DNAJC5: variants seen among roughly 807,000 people sequenced by gnomAD.
The protein encoded by DNAJC5 is dnaJ homolog subfamily C member 5.
In DNAJC5, 1 loss-of-function variant was observed where a neutral mutation model predicts 23.2. The observed-to-expected ratio is 0.04, with a 90% CI of 0.02 to 0.20. The LOEUF (loss-of-function observed/expected upper bound fraction) is 0.20. Ranked by LOEUF, DNAJC5 falls within the 10% of genes least tolerant of loss-of-function variation. The pLI, the probability that DNAJC5 is intolerant of heterozygous loss-of-function variation, is 1.00. For missense variants in DNAJC5, 180 were observed against 267.0 expected (o/e 0.67, Z 2.27); for synonymous variants, 136 against 120.0 (o/e 1.13, Z -0.87).
chr20:63,928,335 A>G lies in DNAJC5; in HGVS notation c.-11A>G. 1 of 1,611,134 alleles carries G rather than the reference A, an allele frequency of 6.2e-7. No homozygotes were observed. Among genetic ancestry groups the G allele is most frequent in the South Asian group, 1.1e-5 (1 of 91,036 alleles). On this transcript the variant is annotated splice_region_variant and 5_prime_UTR_variant, in exon 2 of 5. Transcript: ENST00000360864. This position sits in a 1 kb window ranked among gnomAD's most constrained non-coding sequence, Gnocchi z 4.6. ...ACTTTCTTTTTATTTTTTCTTCTAG[A>G]ATAGCCTAACATGGCAGACCAGAGA...
At position 63,930,836 on chromosome 20, in the gene DNAJC5, T is replaced by A. The variant is rs1450543243; in HGVS notation, c.322-15T>A. The A allele has an allele frequency of 1.1e-5, 18 of 1,611,848 alleles. No individual in the cohort carries two copies. Among genetic ancestry groups the A allele is most frequent in the East Asian group, 6.7e-5 (3 of 44,900 alleles). ...GCCTCGGAGGCCATGCAACACCACC[T>A]TCTTCTCCCCCCAGGCCCTGTTTGT... On this transcript the variant is annotated splice_polypyrimidine_tract_variant and intron_variant, in intron 3 of 4. Transcript: ENST00000360864.
At chr20:63,919,137 C>T (rs947514270) in intron 1 of DNAJC5, among the ~76,000 whole-genome samples, 6 of 152,184 alleles carry the variant, frequency 3.9e-5, no homozygotes, top group East Asian at 3.9e-4. Flanking sequence ...ATTTTTTTAC[C>T]CCTGAAGATC....
In DNAJC5 at chr20:63,929,926, A is replaced by G. The variant is rs1483517755; in HGVS notation, c.321+401A>G. 6.6e-6 allele frequency among the ~76,000 whole-genome samples: 1 copy of G among 152,202 alleles called. No individual in the cohort carries two copies. Among genetic ancestry groups the G allele is most frequent in the Non-Finnish European group, 1.5e-5 (1 of 68,018 alleles). On this transcript the variant is annotated intron_variant, in intron 3 of 4. Coordinates refer to ENST00000360864, the MANE Select transcript of DNAJC5 (RefSeq NM_025219.3). This position sits in a 1 kb window ranked among gnomAD's most constrained non-coding sequence, Gnocchi z 8.6. ...ACTGGCTTGGTGTCCTGCCTGGAAC[A>G]AGCCATAGCGTACAGATTGTCCCAG...
At chr20:63,913,072 C>T (rs2053492024) in intron 1 of DNAJC5, among the ~76,000 whole-genome samples, 1 of 152,054 alleles carries the variant, frequency 6.6e-6, no homozygotes, top group African/African-American at 2.4e-5. Context: ...AGTTCCCTGC[C>T]CCGTCTCCAT....
intron 1 of DNAJC5, among the ~76,000 whole-genome samples, chr20:63,899,527 GT>G (rs1360006997): frequency 6.6e-6 from 1 of 152,248 alleles, no homozygotes; most frequent in African/African-American, 2.4e-5. Flanking sequence ...ACTTGTATGA[GT>G]TTTGCAAGCA....
chr20:63,930,055 T>A (rs776900470), intron 3 of DNAJC5, among the ~76,000 whole-genome samples: 1 of 152,234 alleles, frequency 6.6e-6, no homozygotes, highest in Non-Finnish European at 1.5e-5. Flanking sequence ...ATTTCTTCGT[T>A]TCCTCGTTTT....
At chr20:63,924,789 A>G (rs1377234275) in intron 1 of DNAJC5, among the ~76,000 whole-genome samples, 4 of 152,318 alleles carry the variant, frequency 2.6e-5, no homozygotes, top group Non-Finnish European at 4.4e-5. Flanking sequence ...CAGTGAGTTG[A>G]TGACTTAGGA....
chr20:63,924,374 C>T (rs547372571), intron 1 of DNAJC5, among the ~76,000 whole-genome samples: 14 of 152,226 alleles, frequency 9.2e-5, no homozygotes, highest in African/African-American at 3.1e-4. Context: ...GTACAGATTT[C>T]ATAGGTCTTG....
chr20:63,919,703 G>A (rs1299489500), intron 1 of DNAJC5: 1 of 449,922 alleles, frequency 2.2e-6, no homozygotes. Flanking sequence ...CCGGGACAGC[G>A]CCACGGAAGA....
In DNAJC5 at chr20:63,929,429, C is replaced by T. The variant is rs376163421; in HGVS notation, c.225C>T (p.Ile75=). The T allele has an allele frequency of 1.9e-6, 3 of 1,614,106 alleles. No homozygotes were observed. Among genetic ancestry groups the T allele is most frequent in the Non-Finnish European group, 2.5e-6 (3 of 1,180,052 alleles). ...AILTDATKRN[I]YDKYGSLGLY... ...TCACGGACGCCACAAAAAGGAACAT[C>T]TACGACAAGTACGGCTCGCTGGGTC... Residue 75 remains isoleucine, a synonymous_variant, in exon 3 of 5, where the codon ATC becomes ATT. Transcript: ENST00000360864. The surrounding 1 kb of genome is among the most constrained non-coding windows in gnomAD (Gnocchi z 8.6).
At chr20:63,914,402 C>A (rs921096286) in intron 1 of DNAJC5, among the ~76,000 whole-genome samples, 1 of 151,920 alleles carries the variant, frequency 6.6e-6, no homozygotes, top group South Asian at 2.1e-4. Flanking sequence ...GCAAGCTCCC[C>A]CTCCTGGGTT....
Position 63,929,751 on chromosome 20 carries a change from G to GCCATGAGGGCACCCGAGTCTCTCCTA in DNAJC5, c.321+231_321+232insAGGGCACCCGAGTCTCTCCTACCATG, listed in dbSNP as rs2053649952. On this transcript the variant is annotated intron_variant, in intron 3 of 4. Transcript: ENST00000360864. The surrounding 1 kb of genome is among the most constrained non-coding windows in gnomAD (Gnocchi z 8.6). ...CCGTGCGGGCACCCGAGTCTCTCCTGCCATGTGGGCACCCGGGTCACTCCA... is the reference window on the plus strand; with the variant it reads ...CCGTGCGGGCACCCGAGTCTCTCCTGCCATGAGGGCACCCGAGTCTCTCCTACCATGTGGGCACCCGGGTCACTCCA... Among the ~76,000 whole-genome samples the GCCATGAGGGCACCCGAGTCTCTCCTA allele has an allele frequency of 6.6e-6, 1 of 151,980 alleles. No homozygotes were observed. Among genetic ancestry groups the GCCATGAGGGCACCCGAGTCTCTCCTA allele is most frequent in the African/African-American group, 2.4e-5 (1 of 41,328 alleles).
intron 1 of DNAJC5, among the ~76,000 whole-genome samples, chr20:63,915,360 C>T (rs2053509229): frequency 6.6e-6 from 1 of 150,726 alleles, no homozygotes; most frequent in Non-Finnish European, 1.5e-5. Flanking sequence ...GTGTAGTGAA[C>T]ACTGGGGCAT....
chr20:63,924,601 C>T (rs1010756569), intron 1 of DNAJC5, among the ~76,000 whole-genome samples: 2 of 152,000 alleles, frequency 1.3e-5, no homozygotes, highest in East Asian at 1.9e-4. Flanking sequence ...TGCCTGTAAT[C>T]GCAGCACTTT....
rs371276897 is a variant in DNAJC5, at chr20:63,911,099, C to T, written c.-12+15776C>T. Among the ~76,000 whole-genome samples, 11 of 152,122 alleles carry T rather than the reference C, an allele frequency of 7.2e-5. 1 individual carries two copies. The highest frequency in any genetic ancestry group is 5.8e-4 in the East Asian group (3 of 5,202). On this transcript the variant is annotated intron_variant, in intron 1 of 4. Transcript: ENST00000360864. The stretch of plus-strand genomic sequence containing the variant: ...AAAAATCTTTATTAGGTTTCCAGAC[C>T]CAAGTCAATACCAATAAAATTAATG...
chr20:63,930,248 G>C (rs2053656400), intron 3 of DNAJC5, among the ~76,000 whole-genome samples: 1 of 152,104 alleles, frequency 6.6e-6, no homozygotes. Context: ...GTGAGATCCT[G>C]GCTCACTTTA....
At chr20:63,911,113 A>G (rs1242049412) in intron 1 of DNAJC5, among the ~76,000 whole-genome samples, 1 of 152,262 alleles carries the variant, frequency 6.6e-6, no homozygotes, top group African/African-American at 2.4e-5. Context: ...GTCAATACCA[A>G]TAAAATTAAT....
At chr20:63,930,549 G>C (rs770040141) in intron 3 of DNAJC5, among the ~76,000 whole-genome samples, 1 of 152,146 alleles carries the variant, frequency 6.6e-6, no homozygotes, top group Non-Finnish European at 1.5e-5. Context: ...GGGTTTCACC[G>C]TGTTAGCCAG....
intron 1 of DNAJC5, among the ~76,000 whole-genome samples, chr20:63,911,232 C>A (rs1289838162): frequency 6.6e-6 from 1 of 152,188 alleles, no homozygotes; most frequent in Non-Finnish European, 1.5e-5. Flanking sequence ...TGTAGCTAAT[C>A]ATACCTTTGG....
Sources: allele counts gnomAD v4.1 joint callset (sites outside exome capture counted in the v4.1 genomes callset), GRCh38; gene constraint gnomAD v4.1.1; non-coding constraint Gnocchi (gnomAD v3.1); transcripts MANE v1.5; gene names NCBI Gene and HGNC (gene_info 2026-07-23, HGNC 2026-07-21).